USP3: variants seen among roughly 807,000 people sequenced by gnomAD.
USP3 encodes ubiquitin specific peptidase 3.
In USP3, 20 loss-of-function variants were observed where a neutral mutation model predicts 72.3. The observed-to-expected ratio is 0.28, with a 90% CI of 0.19 to 0.40. The LOEUF (loss-of-function observed/expected upper bound fraction) is 0.40. Among genes scored for constraint, USP3 ranks in the 10% least tolerant of loss-of-function variants. The pLI is 1.00. For synonymous variants in USP3, 222 were observed against 225.3 expected (o/e 0.99, Z 0.13); for missense variants, 479 against 633.9 (o/e 0.76, Z 2.62).
At chr15:63,536,573 A>G (rs1206188459) in intron 2 of USP3, among the ~76,000 whole-genome samples, 1 of 152,138 alleles carries the variant, frequency 6.6e-6, no homozygotes, top group Non-Finnish European at 1.5e-5. Context: ...TCTTGTATAT[A>G]ATTAAAAGTT....
At position 63,580,641 on chromosome 15, in the gene USP3, C is replaced by CATATATATATATATATATATAT. The variant is rs1210661793; in HGVS notation, c.1096+6248_1096+6249insATATATATATATATATATATAT. 2.2e-3 allele frequency among the ~76,000 whole-genome samples: 107 copies of CATATATATATATATATATATAT among 49,472 alleles called. 4 individuals are homozygous for CATATATATATATATATATATAT. The highest frequency in any genetic ancestry group is 0.01 in the Middle Eastern group (1 of 96). 32.5% of individuals were successfully genotyped at this position (49,472 alleles called of 152,430 possible). On this transcript the variant is annotated intron_variant, in intron 11 of 14. Transcript: ENST00000380324. ...ATCTTAAGAGTTTCAGAAAGTGGTG[C>CATATATATATATATATATATAT]ATATATATATGAATATATAATATAT...
chr15:63,560,647 G>A (rs11071757), intron 7 of USP3, among the ~76,000 whole-genome samples: 148,544 of 152,040 alleles, frequency 0.98, 72,658 homozygotes, highest in South Asian at 1. Context: ...GTAGTCAACA[G>A]ATTAGTTGTG....
At chr15:63,525,155 G>A (rs547939796) in intron 1 of USP3, among the ~76,000 whole-genome samples, 4 of 152,294 alleles carry the variant, frequency 2.6e-5, no homozygotes, top group East Asian at 1.9e-4. Flanking sequence ...TGGGAAAGTG[G>A]AAAGGCAACC....
rs993673184 is a variant in USP3, at chr15:63,533,441, C to T, written c.152+734C>T. 4.6e-5 allele frequency among the ~76,000 whole-genome samples: 7 copies of T among 152,152 alleles called. No homozygotes were observed. In the East Asian group the frequency reaches 1.3e-3, roughly 29 times the overall value. ...TAAATAGTAACTCTTCTAGCACAAA[C>T]TCAAGTATATTGTCTGTGGTTTTTT... On this transcript the variant is annotated intron_variant, in intron 2 of 14. Transcript: ENST00000380324.
rs570505257 is a variant in USP3, at chr15:63,534,053, TAAAC to T, written c.152+1349_152+1352del. On this transcript the variant is annotated intron_variant, in intron 2 of 14. Coordinates refer to ENST00000380324, the MANE Select transcript of USP3 (RefSeq NM_006537.4). Reference sequence around the variant, plus strand: ...CTCAAAAATTAGAGATTAATGTTCTTAAACAACAAACTAAAATAGGTTTTGGAAA... The same window carrying T: ...CTCAAAAATTAGAGATTAATGTTCTTAACAAACTAAAATAGGTTTTGGAAA... 25 of 211,564 alleles carry T rather than the reference TAAAC, an allele frequency of 1.2e-4. No individual in the cohort carries two copies. The South Asian group carries it at 3.7e-3, about 31-fold the overall frequency. The allele number at this position is 211,564 out of a possible 1,614,324, so 13.1% of individuals were successfully genotyped here. A position where few individuals can be genotyped will look rare whatever the true frequency, so the allele number is the denominator to read the frequency against.
chr15:63,513,895 A>T (rs2065820015), intron 1 of USP3, among the ~76,000 whole-genome samples: 1 of 152,258 alleles, frequency 6.6e-6, no homozygotes, highest in Non-Finnish European at 1.5e-5. Flanking sequence ...ACTGTATAAT[A>T]TAGAGACTGT....
intron 7 of USP3, 42 bp from the exon 8 acceptor site, chr15:63,562,853 C>T: frequency 7.6e-7 from 1 of 1,321,644 alleles, no homozygotes; most frequent in Non-Finnish European, 1.1e-6. Flanking sequence ...GAAATTGTAG[C>T]CTCTCACTAA....
intron 14 of USP3, among the ~76,000 whole-genome samples, chr15:63,589,545 G>A (rs939748320): frequency 3.3e-5 from 5 of 152,046 alleles, no homozygotes; most frequent in African/African-American, 1.2e-4. Flanking sequence ...ATAAAGTAAC[G>A]TCTACACTCA....
Position 63,592,382 on chromosome 15 carries a change from A to G in USP3, c.*1556A>G, listed in dbSNP as rs1323975538. On this transcript the variant is annotated 3_prime_UTR_variant, in exon 15 of 15. Coordinates refer to ENST00000380324, the MANE Select transcript of USP3 (RefSeq NM_006537.4). ...TTGGGGGCGGTGGGGGTTGGTAGAC[A>G]TAGCCTACCAATTCTCCACAAGGGA... 2.7e-5 allele frequency: 4 copies of G among 149,320 alleles called. No homozygotes were observed. Among genetic ancestry groups the G allele is most frequent in the Non-Finnish European group, 5.9e-5 (4 of 67,602 alleles). 9.2% of individuals were successfully genotyped at this position (149,320 alleles called of 1,614,324 possible). A position where few individuals can be genotyped will look rare whatever the true frequency, so the allele number is the denominator to read the frequency against.
In USP3 at chr15:63,593,474, C is replaced by T. The variant is rs555937376; in HGVS notation, c.*2648C>T. 1 of 152,212 alleles carries T rather than the reference C, an allele frequency of 6.6e-6. No individual in the cohort carries two copies. Among genetic ancestry groups the T allele is most frequent in the African/African-American group, 2.4e-5 (1 of 41,454 alleles). 9.4% of individuals were successfully genotyped at this position (152,212 alleles called of 1,614,324 possible). A position where few individuals can be genotyped will look rare whatever the true frequency, so the allele number is the denominator to read the frequency against. On this transcript the variant is annotated 3_prime_UTR_variant, in exon 15 of 15. Transcript: ENST00000380324. ...GGGCAGAGTTGATGGTGAAAAAAAG[C>T]TGTATTTTTATACCAAATGGAACTT...
Position 63,588,405 on chromosome 15 carries a change from G to T in USP3, c.1197G>T (p.Trp399Cys). The change falls in exon 12 of 15, where the codon TGG becomes TGT. Residue 399 changes from tryptophan (W) to cysteine (C), a missense_variant. Coordinates refer to ENST00000380324, the MANE Select transcript of USP3 (RefSeq NM_006537.4). The surrounding 1 kb of genome is among the most constrained non-coding windows in gnomAD (Gnocchi z 4.6). ...AACAAAAGTCCACAAAAAAGTTTTG[G>T]ATTCAAAAACTACCCAAGGTGAGTG... ...KKKQKSTKKF[W>C]IQKLPKVLCL... The T allele has an allele frequency of 6.2e-7, 1 of 1,604,266 alleles. No homozygotes were observed. The highest frequency in any genetic ancestry group is 1.8e-5 in the Admixed American group (1 of 57,020).
intron 1 of USP3, among the ~76,000 whole-genome samples, chr15:63,526,021 T>C (rs2065976559): frequency 6.6e-6 from 1 of 152,220 alleles, no homozygotes; most frequent in Admixed American, 6.5e-5. Context: ...TAAGTTCATT[T>C]TATTAGGACT....
At chr15:63,554,455 T>C (rs2066479558) in intron 4 of USP3, among the ~76,000 whole-genome samples, 1 of 152,212 alleles carries the variant, frequency 6.6e-6, no homozygotes, top group Non-Finnish European at 1.5e-5. Flanking sequence ...GAAACCCAGC[T>C]AGCCATGCCT....
intron 1 of USP3, among the ~76,000 whole-genome samples, chr15:63,512,470 G>A (rs1272660173): frequency 5.9e-5 from 8 of 136,396 alleles, no homozygotes; most frequent in Admixed American, 5.6e-4. Context: ...CTTCTTCTTC[G>A]GAATCTCACT....
In USP3 at chr15:63,588,436, T is replaced by C. The variant is rs1170837638; in HGVS notation, c.1215+13T>C. 4 of 1,569,568 alleles carry C rather than the reference T, an allele frequency of 2.5e-6. No individual in the cohort carries two copies. The Admixed American group carries it at 7.5e-5, about 29-fold the overall frequency. On this transcript the variant is annotated intron_variant, in intron 12 of 14. Coordinates refer to ENST00000380324, the MANE Select transcript of USP3 (RefSeq NM_006537.4). The surrounding 1 kb of genome is among the most constrained non-coding windows in gnomAD (Gnocchi z 4.6). ...AAAACTACCCAAGGTGAGTGTTGAA[T>C]TTTGAGTTATGAAGCAATTTCAATG...
intron 8 of USP3, among the ~76,000 whole-genome samples, chr15:63,565,548 CCATT>C (rs2066676044): frequency 1.3e-5 from 2 of 152,136 alleles, no homozygotes; most frequent in Admixed American, 1.3e-4. Flanking sequence ...TGTTCCCTAG[CCATT>C]CATTCTGTTT....
At position 63,528,045 on chromosome 15, in the gene USP3, C is replaced by G. The variant is rs550920788; in HGVS notation, c.92-4602C>G. Reference sequence around the variant, plus strand: ...TTCATCTCCTCCATGCAAAGGAGCCCTCCTGCCATCTTGAAGAGCTTGAGG... The same window carrying G: ...TTCATCTCCTCCATGCAAAGGAGCCGTCCTGCCATCTTGAAGAGCTTGAGG... On this transcript the variant is annotated intron_variant, in intron 1 of 14. Coordinates refer to ENST00000380324, the MANE Select transcript of USP3 (RefSeq NM_006537.4). This position sits in a 1 kb window ranked among gnomAD's most constrained non-coding sequence, Gnocchi z 4.3. The G allele has an allele frequency of 6.6e-6, 1 of 152,378 alleles. No homozygotes were observed. The highest frequency in any genetic ancestry group is 6.5e-5 in the Admixed American group (1 of 15,296). 9.4% of individuals were successfully genotyped at this position (152,378 alleles called of 1,614,324 possible). A position where few individuals can be genotyped will look rare whatever the true frequency, so the allele number is the denominator to read the frequency against.
In USP3 at chr15:63,592,198, G is replaced by A. The variant is rs146481737; in HGVS notation, c.*1372G>A. 1 of 152,072 alleles carries A rather than the reference G, an allele frequency of 6.6e-6. No homozygotes were observed. The highest frequency in any genetic ancestry group is 1.9e-4 in the East Asian group (1 of 5,182). The allele number at this position is 152,072 out of a possible 1,614,324, so 9.4% of individuals were successfully genotyped here. A position where few individuals can be genotyped will look rare whatever the true frequency, so the allele number is the denominator to read the frequency against. ...AGCCTCCCAAAGTGCTGAGATTACAGGCGTGAGCCATCACGCCCAGACAGT... is the reference window on the plus strand; with the variant it reads ...AGCCTCCCAAAGTGCTGAGATTACAAGCGTGAGCCATCACGCCCAGACAGT... On this transcript the variant is annotated 3_prime_UTR_variant, in exon 15 of 15. Coordinates refer to ENST00000380324, the MANE Select transcript of USP3 (RefSeq NM_006537.4).
chr15:63,509,022 G>A (rs925472180), intron 1 of USP3, among the ~76,000 whole-genome samples: 1 of 152,104 alleles, frequency 6.6e-6, no homozygotes, highest in African/African-American at 2.4e-5. Flanking sequence ...CCATTCAGTA[G>A]GATGAGGTGT....
Sources: gnomAD v4.1 joint callset for allele counts (sites outside exome capture counted in the v4.1 genomes callset) on GRCh38, gnomAD v4.1.1 for gene constraint, Gnocchi (gnomAD v3.1) non-coding constraint, MANE v1.5 for transcripts, NCBI Gene and HGNC (gene_info 2026-07-23, HGNC 2026-07-21) for gene names.